Variants in PCGF3 observed in about 807,000 individuals in gnomAD.
PCGF3 encodes the protein polycomb group ring finger 3.
Under a neutral mutation model 33.1 loss-of-function variants are expected in PCGF3, and 7 were observed. The ratio of observed to expected loss-of-function variants is 0.21; its 90% CI spans 0.12 to 0.40. The LOEUF (loss-of-function observed/expected upper bound fraction) is 0.40. PCGF3 is among the 10% of genes least tolerant of loss of function. The probability of loss-of-function intolerance (pLI) is 1.00; values close to 1 mark genes in which losing one functional copy is unlikely to be tolerated. For missense variants in PCGF3, 211 were observed against 313.3 expected (o/e 0.67, Z 2.46); for synonymous variants, 153 against 121.3 (o/e 1.26, Z -1.72).
intron 6 of PCGF3, among the ~76,000 whole-genome samples, chr4:741,650 G>T (rs1489877547): frequency 1.3e-5 from 2 of 151,998 alleles, no homozygotes; most frequent in African/African-American, 4.8e-5. Flanking sequence ...CTCATGATCC[G>T]CCCGCCTCAG....
intron 5 of PCGF3, among the ~76,000 whole-genome samples, chr4:735,257 C>T (rs1743776818): frequency 1.3e-5 from 2 of 152,182 alleles, no homozygotes; most frequent in Admixed American, 1.3e-4. Flanking sequence ...TCCATCAATA[C>T]TTAGGTAGGC....
chr4:707,421 C>T (rs1483531190), intron 1 of PCGF3, among the ~76,000 whole-genome samples: 1 of 152,236 alleles, frequency 6.6e-6, no homozygotes, highest in Non-Finnish European at 1.5e-5. Context: ...GTGAGCACTG[C>T]TGGGACCCTG....
chr4:734,814 G>A, intron 4 of PCGF3, 117 bp from the exon 5 acceptor site: 5 of 1,466,458 alleles, frequency 3.4e-6, no homozygotes, highest in Non-Finnish European at 3.6e-6. Context: ...AAGGAGGACA[G>A]CAGTGAGCAT....
At chr4:729,406 T>C (rs1577408710) in intron 1 of PCGF3, among the ~76,000 whole-genome samples, 1 of 145,278 alleles carries the variant, frequency 6.9e-6, no homozygotes, top group East Asian at 2.0e-4. Flanking sequence ...CAGAGCAAGA[T>C]CCTGTCTCAA....
intron 10 of PCGF3, 154 bp downstream of exon 10, chr4:765,218 G>A (rs980345076): frequency 1.1e-4 from 62 of 583,352 alleles, no homozygotes; most frequent in Non-Finnish European, 1.7e-4. Flanking sequence ...CGGATCACGA[G>A]GTCAGGAGAT....
chr4:708,738 A>G (rs891113101), intron 1 of PCGF3, among the ~76,000 whole-genome samples: 1 of 152,024 alleles, frequency 6.6e-6, no homozygotes, highest in Non-Finnish European at 1.5e-5. Context: ...TGAGTGCCCC[A>G]CTTCCTCAGT....
Position 720,618 on chromosome 4 carries a change from C to T in PCGF3, c.-189-10012C>T, listed in dbSNP as rs1361903492. Among the ~76,000 whole-genome samples the T allele has an allele frequency of 1.3e-5, 2 of 150,286 alleles. No individual in the cohort carries two copies. The highest frequency in any genetic ancestry group is 3.0e-5 in the Non-Finnish European group (2 of 67,638). On this transcript the variant is annotated intron_variant, in intron 1 of 10. Transcript: ENST00000362003. The surrounding 1 kb of genome is among the most constrained non-coding windows in gnomAD (Gnocchi z 5.6). ...GACGTGCGTGTGGACCCGGGGTGGA[C>T]GGGCGGTGACGTGCGTGTGGACCCG... is the stretch of plus-strand genomic sequence containing the variant.
chr4:760,316 T>C (rs1269538733), intron 8 of PCGF3, among the ~76,000 whole-genome samples: 1 of 152,226 alleles, frequency 6.6e-6, no homozygotes, highest in Admixed American at 6.5e-5. Context: ...TTAGCCTTCC[T>C]TTTATTGTTT....
At chr4:769,809 C>T (rs1745546983) in exon 11 of PCGF3, 1 of 152,708 alleles carries the variant, frequency 6.5e-6, no homozygotes, top group African/African-American at 2.4e-5. Flanking sequence ...TTGGGGAAGA[C>T]AGTGCAGCCA....
At chr4:754,304 C>T (rs1380713285) in intron 8 of PCGF3, among the ~76,000 whole-genome samples, 1 of 152,230 alleles carries the variant, frequency 6.6e-6, no homozygotes, top group African/African-American at 2.4e-5. Context: ...CCTCCCTGGC[C>T]CACTGGCTCC....
At chr4:708,667 C>T (rs1045490941) in intron 1 of PCGF3, among the ~76,000 whole-genome samples, 2 of 152,234 alleles carry the variant, frequency 1.3e-5, no homozygotes, top group African/African-American at 4.8e-5. Context: ...CTTGCCTTGG[C>T]TGTGGTCCGT....
rs373607426 is a variant in PCGF3 at position 733,539 on chromosome 4, G to C, written c.-9-133G>C. ...TGCACATGGGAGCCTGGGACCCCGT[G>C]AGCCCAAGAGGCTCCTGCCACCCAG... On this transcript the variant is annotated intron_variant, in intron 3 of 10. Coordinates refer to ENST00000362003, the Ensembl canonical transcript of PCGF3. The C allele has an allele frequency of 9.7e-6, 8 of 827,416 alleles. No individual in the cohort carries two copies. In the South Asian group the frequency reaches 1.4e-4, roughly 15 times the overall value. The allele number at this position is 827,416 out of a possible 1,614,324, so 51.3% of individuals were successfully genotyped here.
At chr4:713,584 G>A (rs1055843684) in intron 1 of PCGF3, among the ~76,000 whole-genome samples, 2 of 137,816 alleles carry the variant, frequency 1.5e-5, no homozygotes, top group East Asian at 4.4e-4. Context: ...GTGGCCTCGT[G>A]GGGGGCTATG....
chr4:767,974 A>C (rs1237804011), exon 11 of PCGF3: 1 of 152,702 alleles, frequency 6.5e-6, no homozygotes, highest in Non-Finnish European at 1.5e-5. Context: ...ATAAGAAAGG[A>C]TTAAACAGTT....
intron 8 of PCGF3, among the ~76,000 whole-genome samples, chr4:751,852 C>T (rs534925212): frequency 2.0e-5 from 3 of 152,358 alleles, no homozygotes; most frequent in Admixed American, 6.5e-5. Flanking sequence ...GCTGGCTTCA[C>T]AGCCGACCTC....
intron 7 of PCGF3, chr4:743,877 A>G (rs1212147882): frequency 3.6e-6 from 1 of 279,734 alleles, no homozygotes; most frequent in Non-Finnish European, 6.8e-6. Context: ...TGGAAGGTGA[A>G]CTTCCTGAGA....
At chr4:758,494 C>T (rs1215138906) in intron 8 of PCGF3, among the ~76,000 whole-genome samples, 1 of 140,542 alleles carries the variant, frequency 7.1e-6, no homozygotes, top group Non-Finnish European at 1.6e-5. Context: ...CTCCCGAGCT[C>T]TTCTCGCTCC....
intron 8 of PCGF3, among the ~76,000 whole-genome samples, chr4:750,084 C>T (rs1215578085): frequency 6.6e-6 from 1 of 152,246 alleles, no homozygotes; most frequent in Non-Finnish European, 1.5e-5. Flanking sequence ...GGATTCCAGG[C>T]GTGAGCCCAC....
Position 748,256 on chromosome 4 carries a change from G to A in PCGF3, c.462+3568G>A, listed in dbSNP as rs547345956. Among the ~76,000 whole-genome samples the A allele has an allele frequency of 2.0e-5, 3 of 151,880 alleles. No homozygotes were observed. In the South Asian group the frequency reaches 6.2e-4, roughly 32 times the overall value. ...CTCTTGTCTGCCAGGCTGGAATGCG[G>A]TGGCACCATCCCGGCTCACTGCAGC... is the stretch of plus-strand genomic sequence containing the variant. On this transcript the variant is annotated intron_variant, in intron 8 of 10. Coordinates refer to ENST00000362003, the Ensembl canonical transcript of PCGF3.
Sources: gnomAD v4.1 joint callset for allele counts (sites outside exome capture counted in the v4.1 genomes callset) on GRCh38, gnomAD v4.1.1 for gene constraint, Gnocchi (gnomAD v3.1) non-coding constraint, MANE v1.5 for transcripts, NCBI Gene and HGNC (gene_info 2026-07-23, HGNC 2026-07-21) for gene names.